Variants in SDK1 observed in about 807,000 individuals in gnomAD.
SDK1 encodes the protein protein sidekick-1.
A neutral mutation model predicts 245.5 loss-of-function variants in SDK1; 157 were observed. The ratio of observed to expected loss-of-function variants is 0.64; its 90% CI spans 0.56 to 0.73. The LOEUF (loss-of-function observed/expected upper bound fraction) is 0.73. SDK1 is among the 30% of genes least tolerant of loss of function. The probability of loss-of-function intolerance (pLI) is 0.00; values close to 1 mark genes in which losing one functional copy is unlikely to be tolerated. For synonymous variants in SDK1, 1,647 were observed against 1,278.5 expected (o/e 1.29, Z -6.15); for missense variants, 3,583 against 3,002.3 (o/e 1.19, Z -4.52).
chr7:3,979,733 G>T (rs1056717783), intron 13 of SDK1, among the ~76,000 whole-genome samples: 1 of 152,202 alleles, frequency 6.6e-6, no homozygotes. Flanking sequence ...TAGTTTTCTA[G>T]TGCCATGGGG....
chr7:3,597,106 TA>T (rs1193630894), intron 1 of SDK1, among the ~76,000 whole-genome samples: 2 of 151,728 alleles, frequency 1.3e-5, no homozygotes, highest in African/African-American at 4.8e-5. Context: ...CTGTCTCTAC[TA>T]AAAATACACA....
chr7:4,065,835 G>A (rs779304605), intron 19 of SDK1, among the ~76,000 whole-genome samples: 2 of 150,328 alleles, frequency 1.3e-5, no homozygotes, highest in Non-Finnish European at 3.0e-5. Context: ...TAATGTTTGT[G>A]CAAGTGAGGC....
At chr7:3,644,650 T>C (rs1047932822) in intron 4 of SDK1, among the ~76,000 whole-genome samples, 1 of 151,142 alleles carries the variant, frequency 6.6e-6, no homozygotes, top group Non-Finnish European at 1.5e-5. Flanking sequence ...CCTGTATTTC[T>C]AGCTATTTGC....
chr7:3,614,614 C>A (rs996129109), intron 1 of SDK1, among the ~76,000 whole-genome samples: 3 of 152,162 alleles, frequency 2.0e-5, no homozygotes, highest in Admixed American at 1.3e-4. Context: ...CCCTTTCTGT[C>A]CCCAAAGTTT....
At chr7:3,792,674 C>A (rs1301026219) in intron 4 of SDK1, among the ~76,000 whole-genome samples, 1 of 148,970 alleles carries the variant, frequency 6.7e-6, no homozygotes, top group Non-Finnish European at 1.5e-5. Context: ...AACTACTACC[C>A]CCTCCTCCTG....
intron 5 of SDK1, among the ~76,000 whole-genome samples, chr7:3,833,189 C>T (rs1490093769): frequency 3.9e-5 from 6 of 152,100 alleles, no homozygotes; most frequent in African/African-American, 1.4e-4. Flanking sequence ...AAGGCTTTTC[C>T]ATTTTAGTTC....
chr7:3,406,395 C>T (rs911661486), intron 1 of SDK1, among the ~76,000 whole-genome samples: 10 of 152,114 alleles, frequency 6.6e-5, no homozygotes, highest in African/African-American at 2.4e-4. Context: ...TGGAGTTACT[C>T]GTTGTGTCTG....
chr7:3,393,379 C>T (rs1781810784), intron 1 of SDK1, among the ~76,000 whole-genome samples: 1 of 152,118 alleles, frequency 6.6e-6, no homozygotes, highest in African/African-American at 2.4e-5. Context: ...TTCACAGTGG[C>T]TGCACCATTA....
At chr7:4,074,420 G>T (rs114047320) in intron 20 of SDK1, among the ~76,000 whole-genome samples, 4,184 of 152,244 alleles carry the variant, frequency 0.027, 182 homozygotes, top group African/African-American at 0.09. Context: ...GAAGCTTTCT[G>T]TGGCTTGGTT....
At chr7:3,644,806 C>G (rs369527415) in intron 4 of SDK1, among the ~76,000 whole-genome samples, 1 of 100,040 alleles carries the variant, frequency 1.0e-5, no homozygotes, top group East Asian at 2.5e-4. Flanking sequence ...AAAACAACAA[C>G]AACGGCGGGG....
intron 2 of SDK1, among the ~76,000 whole-genome samples, chr7:3,637,503 C>T (rs149140368): frequency 8.9e-4 from 135 of 152,326 alleles, no homozygotes; most frequent in African/African-American, 3.1e-3. Context: ...CCATCTTGGG[C>T]AGCTTAGAAG....
At chr7:4,077,804 A>G (rs10245923) in intron 21 of SDK1, among the ~76,000 whole-genome samples, 12,450 of 152,246 alleles carry the variant, frequency 0.082, 1,120 homozygotes, top group African/African-American at 0.22. Context: ...ACCTCCCACC[A>G]GGTTCCTCTC....
chr7:3,724,986 G>A (rs1583345594), intron 4 of SDK1, among the ~76,000 whole-genome samples: 1 of 152,238 alleles, frequency 6.6e-6, no homozygotes, highest in South Asian at 2.1e-4. Flanking sequence ...AGCCAGCTCA[G>A]CTGCCTCAGA....
At position 4,174,838 on chromosome 7, in the gene SDK1, C is replaced by T. The variant is rs372721601; in HGVS notation, c.4936+481C>T. Among the ~76,000 whole-genome samples the T allele has an allele frequency of 2.2e-4, 34 of 152,262 alleles. 1 individual carries two copies. Among genetic ancestry groups the T allele is most frequent in the African/African-American group, 7.9e-4 (33 of 41,552 alleles). On this transcript the variant is annotated intron_variant, in intron 33 of 44. Transcript: ENST00000404826. ...CGTTGCTCTGACGAGGGCCCAGCTG[C>T]CTTCAAGACAGCTTCTAGAACCCTG...
At position 4,175,779 on chromosome 7, in the gene SDK1, A is replaced by G. The variant is rs2128218145; in HGVS notation, c.4941A>G (p.Gln1647=). 6.2e-7 allele frequency: 1 copy of G among 1,613,992 alleles called. No individual in the cohort carries two copies. The highest frequency in any genetic ancestry group is 2.2e-5 in the East Asian group (1 of 44,880). ...PIALHAELTA[Q]SSFKTVNSSS... ...CTGCTTTGCTTACCCCAATAGCCCA[A>G]AGCAGCTTCAAGACGGTGAACAGCA... Residue 1647 remains glutamine, a synonymous_variant, in exon 34 of 45, where the codon CAA becomes CAG. Transcript: ENST00000404826.
At chr7:3,548,243 A>G (rs1779292835) in intron 1 of SDK1, among the ~76,000 whole-genome samples, 1 of 152,236 alleles carries the variant, frequency 6.6e-6, no homozygotes, top group Non-Finnish European at 1.5e-5. Flanking sequence ...TTGATTCAAT[A>G]AATATCATTG....
intron 4 of SDK1, among the ~76,000 whole-genome samples, chr7:3,715,775 A>G (rs1011147890): frequency 1.3e-5 from 2 of 152,228 alleles, no homozygotes; most frequent in African/African-American, 4.8e-5. Flanking sequence ...AACAAGGAAA[A>G]ATCACAACTT....
chr7:4,089,491 A>G (rs951029973), intron 22 of SDK1, among the ~76,000 whole-genome samples: 5 of 152,214 alleles, frequency 3.3e-5, no homozygotes, highest in Non-Finnish European at 7.3e-5. Context: ...CCAGCAGTTC[A>G]GAGGTTTTAG....
Position 3,974,473 on chromosome 7 carries a change from A to G in SDK1, c.1922A>G (p.Asp641Gly), listed in dbSNP as rs2128134186. 6.2e-7 allele frequency: 1 copy of G among 1,614,158 alleles called. No individual in the cohort carries two copies. Among genetic ancestry groups the G allele is most frequent in the South Asian group, 1.1e-5 (1 of 91,082 alleles). ...SLLISQTWSG[D>G]IGDYSCEIVS... ...CTCATCAGCCAGACGTGGTCAGGCG[A>G]CATCGGTGACTACAGCTGCGAGATT... The change falls in exon 13 of 45, where the codon GAC becomes GGC. Residue 641 changes from aspartate (D) to glycine (G), a missense_variant. Asp to Gly is a moderately conservative substitution (Grantham distance 94). Transcript: ENST00000404826.
Sources: allele counts gnomAD v4.1 joint callset (sites outside exome capture counted in the v4.1 genomes callset), GRCh38; gene constraint gnomAD v4.1.1; transcripts MANE v1.5; gene names NCBI Gene and HGNC (gene_info 2026-07-23, HGNC 2026-07-21).